FGGY: variants seen among roughly 807,000 people sequenced by gnomAD.
The protein encoded by FGGY is FGGY carbohydrate kinase domain-containing protein.
FGGY carries 72 observed loss-of-function variants against 71.3 expected under a neutral mutation model. The observed-to-expected ratio is 1.01, with a 90% CI of 0.84 to 1.23. The LOEUF is 1.23. Among genes scored for constraint, FGGY ranks in the 50% most tolerant of loss-of-function variants. The probability of loss-of-function intolerance (pLI) is 0.00; values close to 1 mark genes in which losing one functional copy is unlikely to be tolerated. For missense variants in FGGY, 668 were observed against 682.3 expected (o/e 0.98, Z 0.23); for synonymous variants, 251 against 250.3 (o/e 1.00, Z -0.02).
At chr1:59,403,713 A>C (rs1269663018) in intron 5 of FGGY, among the ~76,000 whole-genome samples, 1 of 152,190 alleles carries the variant, frequency 6.6e-6, no homozygotes, top group Non-Finnish European at 1.5e-5. Flanking sequence ...GTTGGGGAGC[A>C]TTTAGAGAAG....
At chr1:59,602,606 C>T (rs2096588593) in intron 8 of FGGY, among the ~76,000 whole-genome samples, 1 of 152,118 alleles carries the variant, frequency 6.6e-6, no homozygotes, top group Admixed American at 6.6e-5. Context: ...TATGGGGCCC[C>T]CTGAAATCAA....
At chr1:59,467,586 G>T (rs1173884444) in intron 6 of FGGY, among the ~76,000 whole-genome samples, 1 of 151,042 alleles carries the variant, frequency 6.6e-6, no homozygotes, top group Non-Finnish European at 1.5e-5. Context: ...GCTACATCTT[G>T]TTACTGTAAT....
intron 1 of FGGY, among the ~76,000 whole-genome samples, chr1:59,303,768 TG>T (rs2043090990): frequency 6.6e-6 from 1 of 152,138 alleles, no homozygotes; most frequent in Admixed American, 6.5e-5. Flanking sequence ...ACTTATTCTT[TG>T]ACTTTTGATA....
intron 6 of FGGY, among the ~76,000 whole-genome samples, chr1:59,487,442 G>A (rs2093689584): frequency 6.6e-6 from 1 of 151,890 alleles, no homozygotes; most frequent in Admixed American, 6.6e-5. Context: ...CAGGGGCCAT[G>A]TCCATCTCAT....
chr1:59,451,006 C>T (rs1488870689), intron 5 of FGGY, among the ~76,000 whole-genome samples: 1 of 152,070 alleles, frequency 6.6e-6, no homozygotes, highest in African/African-American at 2.4e-5. Flanking sequence ...TCAGCCCATT[C>T]ACATTTGATG....
intron 7 of FGGY, among the ~76,000 whole-genome samples, chr1:59,513,998 C>T (rs1332995571): frequency 6.6e-6 from 1 of 152,196 alleles, no homozygotes; most frequent in Non-Finnish European, 1.5e-5. Context: ...TGGTTGAATG[C>T]TATGTAACGT....
At chr1:59,336,129 G>A (rs1252716451) in intron 2 of FGGY, among the ~76,000 whole-genome samples, 1 of 152,000 alleles carries the variant, frequency 6.6e-6, no homozygotes, top group Non-Finnish European at 1.5e-5. Flanking sequence ...CTTACATTTA[G>A]GGATGTGATA....
intron 11 of FGGY, among the ~76,000 whole-genome samples, chr1:59,651,963 C>G (rs987388122): frequency 1.3e-5 from 2 of 151,468 alleles, no homozygotes; most frequent in African/African-American, 2.4e-5. Flanking sequence ...GACAAAATCT[C>G]TCAGCATTTG....
intron 14 of FGGY, among the ~76,000 whole-genome samples, chr1:59,732,352 A>ACCAC (rs1182994317): frequency 1.3e-5 from 2 of 152,126 alleles, no homozygotes; most frequent in African/African-American, 4.8e-5. Flanking sequence ...TCCTCTGTTT[A>ACCAC]CCACCCCCCT....
At chr1:59,552,574 T>C (rs1207622407) in intron 7 of FGGY, among the ~76,000 whole-genome samples, 1 of 152,180 alleles carries the variant, frequency 6.6e-6, no homozygotes, top group Non-Finnish European at 1.5e-5. Flanking sequence ...GAGCAGCCAG[T>C]GCCTTCAGTA....
At chr1:59,535,834 T>C (rs897343525) in intron 7 of FGGY, among the ~76,000 whole-genome samples, 6 of 146,714 alleles carry the variant, frequency 4.1e-5, no homozygotes, top group Non-Finnish European at 9.0e-5. Flanking sequence ...TTCAAAGCAG[T>C]GTGTAGAGGG....
At chr1:59,391,866 AGAAC>A in intron 5 of FGGY, among the ~76,000 whole-genome samples, 1 of 152,346 alleles carries the variant, frequency 6.6e-6, no homozygotes, top group Non-Finnish European at 1.5e-5. Context: ...ATGATAAAGT[AGAAC>A]TCTCTCTGAA....
intron 14 of FGGY, chr1:59,697,752 A>C: frequency 1.6e-6 from 2 of 1,280,772 alleles, no homozygotes; most frequent in Non-Finnish European, 2.1e-6. Context: ...TAGGTGACAC[A>C]AGAGGTAAAC....
At chr1:59,620,167 A>G (rs998009911) in intron 9 of FGGY, among the ~76,000 whole-genome samples, 5 of 152,016 alleles carry the variant, frequency 3.3e-5, no homozygotes, top group Non-Finnish European at 7.4e-5. Context: ...ATCTTCCTTC[A>G]TCTTAGTAAA....
At chr1:59,427,506 A>C (rs1478665383) in intron 5 of FGGY, among the ~76,000 whole-genome samples, 1 of 152,202 alleles carries the variant, frequency 6.6e-6, no homozygotes, top group Non-Finnish European at 1.5e-5. Flanking sequence ...ATTTCAGTCC[A>C]GGCTCTCTGG....
At chr1:59,671,631 T>G (rs1262885597) in intron 13 of FGGY, among the ~76,000 whole-genome samples, 1 of 152,218 alleles carries the variant, frequency 6.6e-6, no homozygotes, top group African/African-American at 2.4e-5. Context: ...ACTTCAGAAG[T>G]AAGGTAAACT....
intron 1 of FGGY, among the ~76,000 whole-genome samples, chr1:59,314,596 G>GT (rs2153104884): frequency 6.6e-6 from 1 of 152,344 alleles, no homozygotes; most frequent in East Asian, 1.9e-4. Flanking sequence ...GTCAGTGGTA[G>GT]ACACAGATGG....
At position 59,735,952 on chromosome 1, in the gene FGGY, C is replaced by G. The variant is rs557816558; in HGVS notation, c.1513-21979C>G. ...GATATGGTTTGGCTGTGTCCCCACC[C>G]AAATCTCATTTTGAATTCCCCCATG... is the stretch of plus-strand genomic sequence containing the variant. On this transcript the variant is annotated intron_variant, in intron 14 of 15. Coordinates refer to ENST00000303721, the MANE Select transcript of FGGY (RefSeq NM_018291.5). Among the ~76,000 whole-genome samples, 14 of 152,282 alleles carry G rather than the reference C, an allele frequency of 9.2e-5. No homozygotes were observed. The East Asian group carries it at 1.7e-3, about 19-fold the overall frequency.
chr1:59,340,816 A>G (rs1156738204), intron 3 of FGGY, among the ~76,000 whole-genome samples: 2 of 152,194 alleles, frequency 1.3e-5, no homozygotes, highest in East Asian at 3.8e-4. Flanking sequence ...GGTTTGAGAA[A>G]AACCACTGCA....
Sources: gnomAD v4.1 joint callset for allele counts (sites outside exome capture counted in the v4.1 genomes callset) on GRCh38, gnomAD v4.1.1 for gene constraint, MANE v1.5 for transcripts, NCBI Gene and HGNC (gene_info 2026-07-23, HGNC 2026-07-21) for gene names.